The following WNK3 variants were observed in gnomAD, a reference collection of about 807,000 sequenced individuals.
WNK3 encodes serine/threonine-protein kinase WNK3.
A neutral mutation model predicts 116.7 loss-of-function variants in WNK3; 18 were observed. The observed-to-expected ratio is 0.15, with a 90% confidence interval of 0.11 to 0.23. WNK3 has a LOEUF of 0.23. Among genes scored for constraint, WNK3 ranks in the 10% least tolerant of loss-of-function variants. The pLI is 1.00. For synonymous variants in WNK3, 404 were observed against 469.4 expected, an observed-to-expected ratio of 0.86 and a Z score of 1.80; for missense variants, 993 against 1,323.8, an observed-to-expected ratio of 0.75 and a Z score of 3.88.
rs1405718499 is a variant in WNK3, at chrX:54,298,860, T to C, written c.1179-466A>G. On this transcript the variant is annotated intron_variant, in intron 6 of 23. Coordinates refer to ENST00000354646, the Ensembl canonical transcript of WNK3. ...TATAAACTCTAAAGTACGTTAAAAA[T>C]TCAAACTCTTTTTACGAATGTTATA... Among the ~76,000 whole-genome samples, 4 of 112,206 alleles carry C rather than the reference T, an allele frequency of 3.6e-5. No individual in the cohort carries two copies. The East Asian group carries it at 1.1e-3, about 31-fold the overall frequency.
At chrX:54,226,953 G>A in intron 22 of WNK3, among the ~76,000 whole-genome samples, 1 of 111,368 alleles carries the variant, frequency 9.0e-6, no homozygotes, top group South Asian at 3.8e-4. Flanking sequence ...AATTACTATA[G>A]AGTCAATGGT....
chrX:54,208,415 C>T (rs782057836), intron 22 of WNK3, among the ~76,000 whole-genome samples: 9 of 111,035 alleles, frequency 8.1e-5, no homozygotes, highest in South Asian at 3.9e-4. Context: ...TGAGCCACCG[C>T]GCCCGGCCCA....
intron 22 of WNK3, among the ~76,000 whole-genome samples, chrX:54,222,385 TAAAA>T (rs1248121132): frequency 9.3e-6 from 1 of 107,995 alleles, no homozygotes; most frequent in African/African-American, 3.4e-5. Flanking sequence ...AGCCTGTATT[TAAAA>T]AAAAATTTTT....
intron 1 of WNK3, among the ~76,000 whole-genome samples, chrX:54,347,353 G>A (rs1209140422): frequency 1.8e-5 from 2 of 111,544 alleles, no homozygotes; most frequent in African/African-American, 6.5e-5. Flanking sequence ...GGGCGTGGTG[G>A]CATGTGCCTA....
At chrX:54,330,549 T>C in intron 2 of WNK3, among the ~76,000 whole-genome samples, 1 of 110,973 alleles carries the variant, frequency 9.0e-6, no homozygotes, top group African/African-American at 3.3e-5. Flanking sequence ...GGCGTGAGAT[T>C]ATGTCTCCCA....
intron 1 of WNK3, among the ~76,000 whole-genome samples, chrX:54,345,290 GTATGTA>G (rs1557177370): frequency 1.0e-5 from 1 of 98,078 alleles, no homozygotes; most frequent in African/African-American, 4.7e-5. Flanking sequence ...ATATATGTAT[GTATGTA>G]TGTATGTATG....
At chrX:54,223,662 T>C in intron 22 of WNK3, 1 of 121,449 alleles carries the variant, frequency 8.2e-6, no homozygotes, top group South Asian at 2.6e-4. Context: ...AGATCATTGG[T>C]CCAGACTGAG....
chrX:54,309,355 T>C (rs1170933488), intron 3 of WNK3, 40 bp from the exon 4 acceptor site: 1 of 1,009,499 alleles, frequency 9.9e-7, no homozygotes, highest in Non-Finnish European at 1.4e-6. Flanking sequence ...AACAAACATA[T>C]CCAACTTATT....
At chrX:54,209,678 G>A (rs2067592898) in intron 22 of WNK3, among the ~76,000 whole-genome samples, 1 of 102,374 alleles carries the variant, frequency 9.8e-6, no homozygotes, top group Non-Finnish European at 2.0e-5. Flanking sequence ...AGCCTCCCAA[G>A]TAGGTGGGAT....
rs143002457 is a variant in WNK3 at position 54,311,068 on chromosome X, T to C, written c.710+51A>G. ...ATTTTATAAAAATTGTTATGACTCC[T>C]GAAAATTATTTCCAAATAAAACTAC... On this transcript the variant is annotated intron_variant, in intron 3 of 23. Transcript: ENST00000354646. The C allele has an allele frequency of 6.3e-3, 5,988 of 950,907 alleles. 16 individuals are homozygous for C. The highest frequency in any genetic ancestry group is 7.8e-3 in the Non-Finnish European group (5,501 of 701,848). 78.4% of individuals were successfully genotyped at this position (950,907 alleles called of 1,213,427 possible).
exon 10 of WNK3, chrX:54,292,981 C>A: frequency 8.3e-7 from 1 of 1,211,068 alleles, no homozygotes; most frequent in Non-Finnish European, 1.1e-6. Context: ...AAACAGTGGA[C>A]TGACCTTGAA....
chrX:54,266,031 G>A (rs1370851248), intron 10 of WNK3, among the ~76,000 whole-genome samples: 2 of 112,241 alleles, frequency 1.8e-5, no homozygotes, highest in African/African-American at 3.2e-5. Flanking sequence ...AGACCAGCAC[G>A]ACAATGGTGA....
intron 22 of WNK3, among the ~76,000 whole-genome samples, chrX:54,218,056 T>G (rs1463383756): frequency 8.9e-6 from 1 of 111,859 alleles, no homozygotes; most frequent in East Asian, 2.8e-4. Context: ...TAGACAAAGC[T>G]TTTATATCAG....
At chrX:54,302,824 C>T (rs1400441083) in intron 5 of WNK3, among the ~76,000 whole-genome samples, 2 of 92,806 alleles carry the variant, frequency 2.2e-5, no homozygotes, top group Non-Finnish European at 4.2e-5. Context: ...AGTGCAGTGG[C>T]ATGATCACAG....
chrX:54,334,562 C>T (rs1184037456), intron 1 of WNK3, among the ~76,000 whole-genome samples: 3 of 112,581 alleles, frequency 2.7e-5, no homozygotes, highest in Non-Finnish European at 5.6e-5. Flanking sequence ...CTTTTTAAGG[C>T]TGAATAATAT....
At chrX:54,248,721 A>C (rs1206495045) in exon 17 of WNK3, 1 of 1,209,418 alleles carries the variant, frequency 8.3e-7, no homozygotes, top group Non-Finnish European at 1.1e-6. Context: ...CGCTGGGTAC[A>C]GAAGTTATCA....
intron 21 of WNK3, among the ~76,000 whole-genome samples, chrX:54,229,277 T>A (rs1429915837): frequency 9.1e-6 from 1 of 109,778 alleles, no homozygotes; most frequent in Non-Finnish European, 1.9e-5. Context: ...AGAAATAAAC[T>A]GTACACCAAA....
At chrX:54,195,870 A>G (rs1557139968) in exon 24 of WNK3, 1 of 111,473 alleles carries the variant, frequency 9.0e-6, no homozygotes, top group African/African-American at 3.2e-5. Context: ...ATGATGAATT[A>G]TATGTGGAAT....
intron 1 of WNK3, among the ~76,000 whole-genome samples, chrX:54,344,217 G>A (rs1246645786): frequency 3.6e-5 from 4 of 111,901 alleles, no homozygotes; most frequent in African/African-American, 1.3e-4. Context: ...GCCGAGGCAG[G>A]CGGATCACGA....
Sources: allele counts gnomAD v4.1 joint callset (sites outside exome capture counted in the v4.1 genomes callset), GRCh38; gene constraint gnomAD v4.1.1; transcripts MANE v1.5; gene names NCBI Gene and HGNC (gene_info 2026-07-23, HGNC 2026-07-21).